PBX1: variants seen among roughly 807,000 people sequenced by gnomAD.
PBX1 encodes the protein pre-B-cell leukemia transcription factor 1.
PBX1 carries 6 observed loss-of-function variants against 53.4 expected under a neutral mutation model. The ratio of observed to expected loss-of-function variants is 0.11; its 90% CI spans 0.06 to 0.22. The LOEUF (loss-of-function observed/expected upper bound fraction) is 0.22. Ranked by LOEUF, PBX1 falls within the 10% of genes least tolerant of loss-of-function variation. PBX1 has a pLI of 1.00. For missense variants in PBX1, 251 were observed against 551.4 expected (o/e 0.46, Z 5.46); for synonymous variants, 204 against 212.3 (o/e 0.96, Z 0.34).
intron 2 of PBX1, among the ~76,000 whole-genome samples, chr1:164,611,533 C>G (rs1483440084): frequency 6.6e-6 from 1 of 152,146 alleles, no homozygotes; most frequent in Non-Finnish European, 1.5e-5. Context: ...CCACCGCGCC[C>G]GGCCTTCTGT....
chr1:164,836,083 A>G (rs902650344), intron 8 of PBX1, among the ~76,000 whole-genome samples: 4 of 152,192 alleles, frequency 2.6e-5, no homozygotes, highest in Admixed American at 2.6e-4. Context: ...TGAAGAGATA[A>G]TAGTTACATC....
intron 2 of PBX1, among the ~76,000 whole-genome samples, chr1:164,870,210 T>TTCTTTTCCTTCCTTCC (rs1180229062): frequency 5.1e-4 from 33 of 64,514 alleles, no homozygotes; most frequent in Admixed American, 8.7e-4. Context: ...CTTTCTTTCT[T>TTCTTTTCCTTCCTTCC]TTCTTTCTTT....
At chr1:164,737,032 C>T (rs1204669330) in intron 2 of PBX1, among the ~76,000 whole-genome samples, 3 of 152,040 alleles carry the variant, frequency 2.0e-5, no homozygotes, top group Admixed American at 6.6e-5. Context: ...TGACAGAGAC[C>T]CAAGGAGACA....
chr1:164,795,348 C>T (rs1004402483), intron 3 of PBX1, among the ~76,000 whole-genome samples: 1 of 152,184 alleles, frequency 6.6e-6, no homozygotes, highest in Non-Finnish European at 1.5e-5. Context: ...AGGTTGTCCT[C>T]TCTGTTACTT....
rs529064392 is a variant in PBX1 at position 164,671,196 on chromosome 1, T to A, written c.265+107885T>A. ...GCTAAGATAGCCCTTTTTTTTTTTT[T>A]AAAGTCAGAGAAGTTACTCTTGGTT... On this transcript the variant is annotated intron_variant, in intron 2 of 8. Coordinates refer to ENST00000420696, the MANE Select transcript of PBX1 (RefSeq NM_002585.4). 6.1e-3 allele frequency among the ~76,000 whole-genome samples: 911 copies of A among 149,498 alleles called. 9 individuals are homozygous for A. Among genetic ancestry groups the A allele is most frequent in the African/African-American group, 0.021 (851 of 39,860 alleles).
At chr1:164,594,031 A>G (rs1655586615) in intron 2 of PBX1, among the ~76,000 whole-genome samples, 1 of 152,192 alleles carries the variant, frequency 6.6e-6, no homozygotes, top group Non-Finnish European at 1.5e-5. Flanking sequence ...CTGGGAATTA[A>G]TAGCATAGTG....
chr1:164,882,910 T>C (rs10918087), intron 2 of PBX1, among the ~76,000 whole-genome samples: 58,584 of 152,086 alleles, frequency 0.39, 11,538 homozygotes, highest in Middle Eastern at 0.48. Flanking sequence ...TCAGCCTCAG[T>C]TTCTTCATCT....
intron 2 of PBX1, among the ~76,000 whole-genome samples, chr1:164,697,248 A>G (rs1045999558): frequency 6.6e-6 from 1 of 152,182 alleles, no homozygotes; most frequent in African/African-American, 2.4e-5. Context: ...CTGACTAGGA[A>G]TTGGCAGAGC....
chr1:164,736,322 CTT>C (rs1274450119), intron 2 of PBX1, among the ~76,000 whole-genome samples: 1 of 152,138 alleles, frequency 6.6e-6, no homozygotes, highest in Non-Finnish European at 1.5e-5. Flanking sequence ...TGGAATCACT[CTT>C]TTTGAGCTCG....
At position 164,849,347 on chromosome 1, in the gene PBX1, C is replaced by T; in HGVS notation, c.*2671C>T. ...AGTCTTCTCTATACCCAGCACCTCC[C>T]CCGGCACCCCCGGCAAGCCCACTAT... is the stretch of plus-strand genomic sequence containing the variant. On this transcript the variant is annotated 3_prime_UTR_variant, in exon 9 of 9. Transcript: ENST00000420696. 3 of 1,535,642 alleles carry T rather than the reference C, an allele frequency of 2.0e-6. No individual in the cohort carries two copies. The highest frequency in any genetic ancestry group is 1.7e-6 in the Non-Finnish European group (2 of 1,146,766).
chr1:164,790,110 A>G (rs752758463), intron 2 of PBX1, among the ~76,000 whole-genome samples: 12 of 152,136 alleles, frequency 7.9e-5, no homozygotes, highest in Non-Finnish European at 1.2e-4. Flanking sequence ...ATGCCCCGAG[A>G]TTCTTTTCGG....
At chr1:164,607,346 G>A (rs923267855) in intron 2 of PBX1, among the ~76,000 whole-genome samples, 1 of 152,168 alleles carries the variant, frequency 6.6e-6, no homozygotes, top group Non-Finnish European at 1.5e-5. Flanking sequence ...CTATTTTTGC[G>A]ATTAAATTTA....
At chr1:164,577,488 C>A (rs1025364700) in intron 2 of PBX1, among the ~76,000 whole-genome samples, 4 of 152,212 alleles carry the variant, frequency 2.6e-5, no homozygotes, top group Non-Finnish European at 5.9e-5. Flanking sequence ...CCCACCTAGC[C>A]TGCTGGAGCC....
intron 2 of PBX1, among the ~76,000 whole-genome samples, chr1:164,689,207 T>C (rs1662310142): frequency 6.6e-6 from 1 of 152,212 alleles, no homozygotes; most frequent in Admixed American, 6.5e-5. Context: ...GAAATATACA[T>C]CAAAACATGT....
At position 164,759,513 on chromosome 1, in the gene PBX1, T is replaced by C. The variant is rs544891679; in HGVS notation, c.266-32981T>C. ...TGCTAGCTCCCATTTATGATTTCTT[T>C]TTTCTTTTTTTAAAGAAAGAAACAT... On this transcript the variant is annotated intron_variant, in intron 2 of 8. Transcript: ENST00000420696. Among the ~76,000 whole-genome samples, 7 of 152,334 alleles carry C rather than the reference T, an allele frequency of 4.6e-5. No homozygotes were observed. The South Asian group carries it at 1.5e-3, about 32-fold the overall frequency.
intron 2 of PBX1, among the ~76,000 whole-genome samples, chr1:164,718,263 T>C (rs1048407866): frequency 2.0e-5 from 3 of 152,232 alleles, no homozygotes; most frequent in African/African-American, 7.2e-5. Context: ...ATATTCAAGG[T>C]AATTTTGGAG....
intron 2 of PBX1, among the ~76,000 whole-genome samples, chr1:164,727,347 C>T (rs1257304302): frequency 1.3e-5 from 2 of 152,306 alleles, no homozygotes; most frequent in East Asian, 1.9e-4. Flanking sequence ...TTACCATTCA[C>T]TGTGTCACAT....
chr1:164,830,790 G>A (rs1332395915), intron 8 of PBX1, among the ~76,000 whole-genome samples: 14 of 152,154 alleles, frequency 9.2e-5, no homozygotes, highest in Admixed American at 9.2e-4. Context: ...TGCCCTGCTA[G>A]TCTATTCCAA....
intron 2 of PBX1, among the ~76,000 whole-genome samples, chr1:164,776,976 A>AGAGAGAGGGG (rs1667698282): frequency 1.5e-5 from 1 of 66,110 alleles, no homozygotes; most frequent in Non-Finnish European, 2.5e-5. Context: ...AGAGAGAGAG[A>AGAGAGAGGGG]GAGGAGGTGT....
Sources: gnomAD v4.1 joint callset for allele counts (sites outside exome capture counted in the v4.1 genomes callset) on GRCh38, gnomAD v4.1.1 for gene constraint, MANE v1.5 for transcripts, NCBI Gene and HGNC (gene_info 2026-07-23, HGNC 2026-07-21) for gene names.